The following PPARA variants were observed in gnomAD, a reference collection of about 807,000 sequenced individuals.
The protein encoded by PPARA is peroxisome proliferator-activated receptor alpha.
Under a neutral mutation model 42.2 loss-of-function variants are expected in PPARA, and 22 were observed. The observed-to-expected ratio is 0.52, with a 90% CI of 0.37 to 0.74. PPARA has a LOEUF of 0.74. Among genes scored for constraint, PPARA ranks in the 30% least tolerant of loss-of-function variants. The pLI, the probability that PPARA is intolerant of heterozygous loss-of-function variation, is 0.00. For synonymous variants in PPARA, 242 were observed against 239.3 expected (o/e 1.01, Z -0.10); for missense variants, 465 against 608.2 (o/e 0.76, Z 2.48).
intron 1 of PPARA, among the ~76,000 whole-genome samples, chr22:46,151,364 G>A (rs925834629): frequency 6.6e-6 from 1 of 152,224 alleles, no homozygotes; most frequent in Admixed American, 6.5e-5. Context: ...GGGCCGCTGA[G>A]GGTCGGGCGC....
chr22:46,214,291 G>A (rs934026487), intron 4 of PPARA, among the ~76,000 whole-genome samples: 1 of 152,006 alleles, frequency 6.6e-6, no homozygotes, highest in Non-Finnish European at 1.5e-5. Flanking sequence ...GGAGATGTGC[G>A]GGCCCGAGAT....
chr22:46,164,221 G>A (rs796876387), intron 2 of PPARA: 8 of 151,372 alleles, frequency 5.3e-5, no homozygotes, highest in African/African-American at 1.9e-4. Context: ...AATAAATAAA[G>A]TCGGGTTTAT....
chr22:46,207,688 T>A lies in PPARA; in HGVS notation c.209-7485T>A, dbSNP rs1304236025. ...TTATTATTATTATTATTTTTTTTTT[T>A]TTTTTTTTTTTTAGAGACAGGGTCT... On this transcript the variant is annotated intron_variant, in intron 4 of 8. Transcript: ENST00000407236. Among the ~76,000 whole-genome samples the A allele has an allele frequency of 1.8e-3, 216 of 122,598 alleles. 3 individuals carry two copies. Among genetic ancestry groups the A allele is most frequent in the African/African-American group, 6.9e-3 (191 of 27,882 alleles). The allele number at this position is 122,598 out of a possible 152,430, so 80.4% of individuals were successfully genotyped here.
intron 2 of PPARA, chr22:46,155,974 T>C (rs1925246280): frequency 1.3e-5 from 2 of 152,240 alleles, no homozygotes; most frequent in Admixed American, 6.5e-5. Context: ...CATTCTTTGC[T>C]TTTAGGATAT....
intron 2 of PPARA, among the ~76,000 whole-genome samples, chr22:46,159,921 C>T (rs779478838): frequency 1.4e-4 from 22 of 152,178 alleles, no homozygotes; most frequent in African/African-American, 2.7e-4. Context: ...TGAATTCCTC[C>T]GAAGCCAAGA....
Position 46,188,844 on chromosome 22 carries a change from G to A in PPARA, c.-42-9498G>A, listed in dbSNP as rs912852969. 2.0e-5 allele frequency: 3 copies of A among 152,336 alleles called. No individual in the cohort carries two copies. The highest frequency in any genetic ancestry group is 1.9e-4 in the East Asian group (1 of 5,190). The allele number at this position is 152,336 out of a possible 1,614,324, so 9.4% of individuals were successfully genotyped here. On this transcript the variant is annotated intron_variant, in intron 3 of 8. Coordinates refer to ENST00000407236, the MANE Select transcript of PPARA (RefSeq NM_005036.6). This position sits in a 1 kb window ranked among gnomAD's most constrained non-coding sequence, Gnocchi z 5.0. Reference sequence around the variant, plus strand: ...TCAGGTGCGTACTCATGTGTTCCACGAGTTCAAGCCTCAGCCCTGTAAAGT... The same window carrying A: ...TCAGGTGCGTACTCATGTGTTCCACAAGTTCAAGCCTCAGCCCTGTAAAGT...
intron 4 of PPARA, among the ~76,000 whole-genome samples, chr22:46,209,242 A>T (rs1933693687): frequency 6.6e-6 from 1 of 152,048 alleles, no homozygotes; most frequent in Admixed American, 6.6e-5. Flanking sequence ...TTATCTTTTT[A>T]TATATCTGGC....
intron 2 of PPARA, among the ~76,000 whole-genome samples, chr22:46,159,706 T>C (rs1451206223): frequency 6.6e-6 from 1 of 152,234 alleles, no homozygotes; most frequent in Non-Finnish European, 1.5e-5. Flanking sequence ...AGTTCAATTA[T>C]GCGAAGATCT....
chr22:46,170,848 C>T (rs1356769293), intron 2 of PPARA, among the ~76,000 whole-genome samples: 2 of 151,494 alleles, frequency 1.3e-5, no homozygotes, highest in African/African-American at 4.8e-5. Flanking sequence ...GCATTCCTGG[C>T]AGAAAGAAGT....
In PPARA at chr22:46,231,771, C is replaced by T; in HGVS notation, c.712-21C>T. ...AGCGCATCCCACATCACCTGACTTA[C>T]CTTGGTGTCCTCCTTTGTAGCCTTT... On this transcript the variant is annotated intron_variant, in intron 7 of 8. Coordinates refer to ENST00000407236, the MANE Select transcript of PPARA (RefSeq NM_005036.6). The surrounding 1 kb of genome is among the most constrained non-coding windows in gnomAD (Gnocchi z 7.7). 6.2e-7 allele frequency: 1 copy of T among 1,609,330 alleles called. No homozygotes were observed. The highest frequency in any genetic ancestry group is 8.5e-7 in the Non-Finnish European group (1 of 1,178,400).
rs1192720856 is a variant in PPARA at position 46,150,548 on chromosome 22, G to A, written c.-314G>A. The A allele has an allele frequency of 6.8e-6, 1 of 146,054 alleles. No individual in the cohort carries two copies. The highest frequency in any genetic ancestry group is 2.0e-4 in the South Asian group (1 of 5,096). The allele number at this position is 146,054 out of a possible 1,614,324, so 9.0% of individuals were successfully genotyped here. On this transcript the variant is annotated 5_prime_UTR_variant, in exon 1 of 9. Coordinates refer to ENST00000407236, the MANE Select transcript of PPARA (RefSeq NM_005036.6). This position sits in a 1 kb window ranked among gnomAD's most constrained non-coding sequence, Gnocchi z 7.5. ...GCCGTGGACGCGGCGGCCCCGCGGC[G>A]GGGGCAGCGGGCGGCGGGGGCGGAG...
At position 46,161,647 on chromosome 22, in the gene PPARA, T is replaced by C. The variant is rs1357856144; in HGVS notation, c.-127+9677T>C. 6.6e-6 allele frequency among the ~76,000 whole-genome samples: 1 copy of C among 152,162 alleles called. No individual in the cohort carries two copies. Among genetic ancestry groups the C allele is most frequent in the East Asian group, 1.9e-4 (1 of 5,196 alleles). On this transcript the variant is annotated intron_variant, in intron 2 of 8. Coordinates refer to ENST00000407236, the MANE Select transcript of PPARA (RefSeq NM_005036.6). The surrounding 1 kb of genome is among the most constrained non-coding windows in gnomAD (Gnocchi z 4.8). ...ACTCAGAAAAGGAATTAATTTCTTC[T>C]GAGAGAGAAAAAGATGAGATTCTAG...
In PPARA at chr22:46,195,744, G is replaced by A. The variant is rs915709387; in HGVS notation, c.-42-2598G>A. ...CTTTACTCTATCTGGAGAGTCTGGC[G>A]TTCCGTAATCACCATGTGATGACGG... On this transcript the variant is annotated intron_variant, in intron 3 of 8. Transcript: ENST00000407236. The surrounding 1 kb of genome is among the most constrained non-coding windows in gnomAD (Gnocchi z 4.6). 8.5e-5 allele frequency among the ~76,000 whole-genome samples: 13 copies of A among 152,176 alleles called. No homozygotes were observed. The highest frequency in any genetic ancestry group is 1.9e-4 in the East Asian group (1 of 5,180).
In PPARA at chr22:46,187,892, G is replaced by C. The variant is rs1230947456; in HGVS notation, c.-42-10450G>C. 6.6e-6 allele frequency among the ~76,000 whole-genome samples: 1 copy of C among 152,222 alleles called. No homozygotes were observed. The highest frequency in any genetic ancestry group is 1.5e-5 in the Non-Finnish European group (1 of 68,044). ...TTGCTTTGACCCACAGAACGTAACA[G>C]AAAGGACACTGCCTAACTTACAAAT... On this transcript the variant is annotated intron_variant, in intron 3 of 8. Transcript: ENST00000407236. The surrounding 1 kb of genome is among the most constrained non-coding windows in gnomAD (Gnocchi z 4.9).
rs1207261266 is a variant in PPARA at position 46,233,776 on chromosome 22, T to C, written c.1160-1357T>C. ...AGTGAGATATATGTTAAACCTATTA[T>C]GGTGGGATTAAAATTATGAGGGGGG... On this transcript the variant is annotated intron_variant, in intron 8 of 8. Transcript: ENST00000407236. The surrounding 1 kb of genome is among the most constrained non-coding windows in gnomAD (Gnocchi z 7.3). Among the ~76,000 whole-genome samples, 1 of 152,086 alleles carries C rather than the reference T, an allele frequency of 6.6e-6. No individual in the cohort carries two copies. Among genetic ancestry groups the C allele is most frequent in the Non-Finnish European group, 1.5e-5 (1 of 68,022 alleles).
chr22:46,187,782 A>G lies in PPARA; in HGVS notation c.-42-10560A>G, dbSNP rs1931018559. ...GCCACTTCTCCCTTGAGGTAGATCA[A>G]AAATGGTCACAAGTTCTTTGAGGCT... On this transcript the variant is annotated intron_variant, in intron 3 of 8. Coordinates refer to ENST00000407236, the MANE Select transcript of PPARA (RefSeq NM_005036.6). This position sits in a 1 kb window ranked among gnomAD's most constrained non-coding sequence, Gnocchi z 4.9. 6.6e-6 allele frequency among the ~76,000 whole-genome samples: 1 copy of G among 152,220 alleles called. No homozygotes were observed. Among genetic ancestry groups the G allele is most frequent in the South Asian group, 2.1e-4 (1 of 4,828 alleles).
chr22:46,231,783 C>G lies in PPARA; in HGVS notation c.712-9C>G, dbSNP rs1302325096. 3 of 1,611,718 alleles carry G rather than the reference C, an allele frequency of 1.9e-6. No homozygotes were observed. Among genetic ancestry groups the G allele is most frequent in the Non-Finnish European group, 2.5e-6 (3 of 1,179,850 alleles). ...ATCACCTGACTTACCTTGGTGTCCT[C>G]CTTTGTAGCCTTTTGTCATACATGA... On this transcript the variant is annotated splice_polypyrimidine_tract_variant and intron_variant, in intron 7 of 8. Transcript: ENST00000407236. This position sits in a 1 kb window ranked among gnomAD's most constrained non-coding sequence, Gnocchi z 7.7.
Position 46,196,671 on chromosome 22 carries a change from G to C in PPARA, c.-42-1671G>C, listed in dbSNP as rs1463078266. Among the ~76,000 whole-genome samples the C allele has an allele frequency of 1.3e-5, 2 of 152,198 alleles. No individual in the cohort carries two copies. Among genetic ancestry groups the C allele is most frequent in the African/African-American group, 4.8e-5 (2 of 41,456 alleles). On this transcript the variant is annotated intron_variant, in intron 3 of 8. Transcript: ENST00000407236. The surrounding 1 kb of genome is among the most constrained non-coding windows in gnomAD (Gnocchi z 5.6). Reference sequence around the variant, plus strand: ...ATTCATTTCGTTGTTCACCATCTGTGTCCCAGTTACAAGGGAGGCTCCCTG... The same window carrying C: ...ATTCATTTCGTTGTTCACCATCTGTCTCCCAGTTACAAGGGAGGCTCCCTG...
chr22:46,174,335 A>G (rs9626736), intron 2 of PPARA, among the ~76,000 whole-genome samples: 69,880 of 149,512 alleles, frequency 0.47, 19,782 homozygotes, highest in African/African-American at 0.8. Flanking sequence ...TAAAGTTAGG[A>G]TGTTCTTTAC....
Sources: gnomAD v4.1 joint callset for allele counts (sites outside exome capture counted in the v4.1 genomes callset) on GRCh38, gnomAD v4.1.1 for gene constraint, Gnocchi (gnomAD v3.1) non-coding constraint, MANE v1.5 for transcripts, NCBI Gene and HGNC (gene_info 2026-07-23, HGNC 2026-07-21) for gene names.